The following EXOSC9 variants were observed in gnomAD, a reference collection of about 807,000 sequenced individuals.
EXOSC9 encodes the protein exosome complex component RRP45.
A neutral mutation model predicts 56.5 loss-of-function variants in EXOSC9; 38 were observed. The observed-to-expected ratio is 0.67, with a 90% CI of 0.52 to 0.88. The LOEUF (loss-of-function observed/expected upper bound fraction) is 0.88, where lower values mean the gene tolerates loss of function less well. Among genes scored for constraint, EXOSC9 ranks in the 40% least tolerant of loss-of-function variants. The pLI is 0.00. For missense variants in EXOSC9, 559 were observed against 530.5 expected (o/e 1.05, Z -0.53); for synonymous variants, 170 against 170.8 (o/e 0.99, Z 0.04).
At chr4:121,804,567 A>G (rs912809330) in intron 4 of EXOSC9, 55 bp from the exon 5 acceptor site, 2 of 1,167,486 alleles carry the variant, frequency 1.7e-6, no homozygotes, top group Admixed American at 4.1e-5. Context: ...TTCCTGATAA[A>G]TAGCCACTGG....
At chr4:121,811,465 A>C (rs1189290562) in intron 7 of EXOSC9, 118 bp from the exon 8 acceptor site, 3 of 544,572 alleles carry the variant, frequency 5.5e-6, no homozygotes, top group South Asian at 3.3e-5. Flanking sequence ...CATTGTATTC[A>C]TGTTTGGAAA....
Position 121,813,223 on chromosome 4 carries a change from C to T in EXOSC9, c.828-11C>T, listed in dbSNP as rs3811743. 33,153 of 1,600,554 alleles carry T rather than the reference C, an allele frequency of 0.021. 2,457 individuals are homozygous for T. The highest frequency in any genetic ancestry group is 0.19 in the African/African-American group (14,182 of 74,378). On this transcript the variant is annotated splice_polypyrimidine_tract_variant and intron_variant, in intron 8 of 11. Coordinates refer to ENST00000243498, the MANE Select transcript of EXOSC9 (RefSeq NM_005033.3). ...CCCCTTCCTTCCCACCAAAAAAACC[C>T]CCACATACAGGAAAGAAGGTGGAAA...
In EXOSC9 at chr4:121,801,342, G is replaced by A; in HGVS notation, c.-83G>A. On this transcript the variant is annotated 5_prime_UTR_variant, in exon 1 of 12. Coordinates refer to ENST00000243498, the MANE Select transcript of EXOSC9 (RefSeq NM_005033.3). Reference sequence around the variant, plus strand: ...GATGACGTAATTTTCCTGCGCCTCGGGGCGAGCAGCGGCGCGCAAGGAAAG... The same window carrying A: ...GATGACGTAATTTTCCTGCGCCTCGAGGCGAGCAGCGGCGCGCAAGGAAAG... The A allele has an allele frequency of 1.5e-6, 2 of 1,363,402 alleles. No individual in the cohort carries two copies. Among genetic ancestry groups the A allele is most frequent in the East Asian group, 2.3e-5 (1 of 43,712 alleles). 84.5% of individuals were successfully genotyped at this position (1,363,402 alleles called of 1,614,324 possible).
At chr4:121,815,294 A>G in intron 10 of EXOSC9, 1 of 907,784 alleles carries the variant, frequency 1.1e-6, no homozygotes, top group South Asian at 5.1e-5. Flanking sequence ...AGTTGTTTCC[A>G]TTTTCTCACT....
At chr4:121,815,970 G>T in intron 10 of EXOSC9, 3 of 1,243,000 alleles carry the variant, frequency 2.4e-6, no homozygotes, top group Non-Finnish European at 3.0e-6. Flanking sequence ...TCCACCTAGA[G>T]TTTTATTTTT....
intron 1 of EXOSC9, 30 bp from the exon 2 acceptor site, chr4:121,801,797 A>G (rs1726873899): frequency 1.1e-5 from 18 of 1,565,590 alleles, no homozygotes; most frequent in Non-Finnish European, 1.6e-5. Context: ...TGTTGAAGGA[A>G]TAAATTAATG....
intron 5 of EXOSC9, among the ~76,000 whole-genome samples, chr4:121,805,064 A>G (rs1726980197): frequency 1.3e-5 from 2 of 152,242 alleles, no homozygotes; most frequent in South Asian, 4.1e-4. Flanking sequence ...CATATGTGTG[A>G]AAAATACATG....
At position 121,803,338 on chromosome 4, in the gene EXOSC9, A is replaced by G. The variant is rs149204338; in HGVS notation, c.384+321A>G. ...TTCAAAGAACTTGTGGCTTTTTCAT[A>G]TAATCTCTCATTTTCTACATGAGTT... On this transcript the variant is annotated intron_variant, in intron 4 of 11. Transcript: ENST00000243498. 5.3e-3 allele frequency among the ~76,000 whole-genome samples: 804 copies of G among 152,144 alleles called. 4 individuals are homozygous for G. The highest frequency in any genetic ancestry group is 8.2e-3 in the Non-Finnish European group (559 of 67,992).
intron 10 of EXOSC9, chr4:121,815,637 A>G (rs1266473831): frequency 1.0e-6 from 1 of 985,340 alleles, no homozygotes; most frequent in Admixed American, 6.2e-5. Flanking sequence ...AATAAAATCC[A>G]AAGAAAAATG....
At position 121,811,583 on chromosome 4, in the gene EXOSC9, G is replaced by C; in HGVS notation, c.739G>C (p.Val247Leu). The C allele has an allele frequency of 6.4e-7, 1 of 1,559,168 alleles. No homozygotes were observed. The highest frequency in any genetic ancestry group is 1.4e-5 in the African/African-American group (1 of 73,518). Reference sequence around the variant, plus strand: ...CAACAGAATTCACTTTTATAAATAGGTTCTGAGATGCAGTAAAATCGCTGG... The same window carrying C: ...CAACAGAATTCACTTTTATAAATAGCTTCTGAGATGCAGTAAAATCGCTGG... Reference protein sequence around the residue: ...SGGIMLLKDQVLRCSKIAGVK... With the variant: ...SGGIMLLKDQLLRCSKIAGVK... The change falls in exon 8 of 12, where the codon GTT becomes CTT. Residue 247 changes from valine to leucine, a missense_variant and splice_region_variant. Val to Leu is a conservative substitution (Grantham distance 32). Coordinates refer to ENST00000243498, the MANE Select transcript of EXOSC9 (RefSeq NM_005033.3).
At chr4:121,811,558 C>T (rs1727212930) in intron 7 of EXOSC9, 25 bp from the exon 8 acceptor site, 3 of 1,392,700 alleles carry the variant, frequency 2.2e-6, no homozygotes, top group Non-Finnish European at 3.0e-6. Context: ...TGTCTTTAAA[C>T]AACAGAATTC....
chr4:121,802,927 C>CT lies in EXOSC9; in HGVS notation c.296dup (p.Leu99PhefsTer21). 1 of 1,613,834 alleles carries CT rather than the reference C, an allele frequency of 6.2e-7. No individual in the cohort carries two copies. The highest frequency in any genetic ancestry group is 8.5e-7 in the Non-Finnish European group (1 of 1,179,788). ...TTTCTCCTTATAGGCAGTCAGATCT[C>CT]TTGGTGAAGTTGAATCGACTCATGG... On this transcript the variant is annotated frameshift_variant, in exon 4 of 12. Coordinates refer to ENST00000243498, the MANE Select transcript of EXOSC9 (RefSeq NM_005033.3). LOFTEE classifies it high-confidence loss of function.
intron 9 of EXOSC9, 91 bp downstream of exon 9, chr4:121,813,471 T>G: frequency 8.7e-7 from 1 of 1,152,358 alleles, no homozygotes; most frequent in South Asian, 1.5e-5. Flanking sequence ...ATACTGAAAT[T>G]AGTTTTTGTA....
intron 7 of EXOSC9, among the ~76,000 whole-genome samples, chr4:121,810,306 G>A (rs937155577): frequency 3.1e-4 from 47 of 151,978 alleles, no homozygotes; most frequent in African/African-American, 1.1e-3. Context: ...TGGTGCTCCC[G>A]TGTCTGGCCT....
At chr4:121,807,819 TGAAGA>T in intron 6 of EXOSC9, 197 bp downstream of exon 6, 1 of 591,636 alleles carries the variant, frequency 1.7e-6, no homozygotes, top group Non-Finnish European at 3.0e-6. Context: ...TATACTTTGA[TGAAGA>T]TACTTCCCAA....
rs752875392 is a variant in EXOSC9 at position 121,813,248 on chromosome 4, A to C, written c.842A>C (p.Lys281Thr). 2 of 1,608,740 alleles carry C rather than the reference A, an allele frequency of 1.2e-6. No individual in the cohort carries two copies. Among genetic ancestry groups the C allele is most frequent in the East Asian group, 4.5e-5 (2 of 44,786 alleles). ...CCCACATACAGGAAAGAAGGTGGAAAGTTTGGTTTTGCAGAGTCTATAGCA... is the reference window on the plus strand; with the variant it reads ...CCCACATACAGGAAAGAAGGTGGAACGTTTGGTTTTGCAGAGTCTATAGCA... Reference protein sequence around the residue: ...NDQKVRKEGGKFGFAESIANQ... With the variant: ...NDQKVRKEGGTFGFAESIANQ... Residue 281 changes from lysine (K) to threonine (T), a missense_variant, in exon 9 of 12, where the codon AAG becomes ACG. By Grantham distance (78) the Lys-to-Thr change is moderately conservative. Transcript: ENST00000243498.
intron 11 of EXOSC9, 86 bp from the exon 12 acceptor site, chr4:121,816,686 T>C (rs1167140995): frequency 7.4e-7 from 1 of 1,350,118 alleles, no homozygotes; most frequent in Admixed American, 3.1e-5. Flanking sequence ...TTTTAGATCC[T>C]ACTGGAAAAC....
At chr4:121,805,960 C>G (rs933627327) in intron 5 of EXOSC9, among the ~76,000 whole-genome samples, 1 of 151,678 alleles carries the variant, frequency 6.6e-6, no homozygotes, top group African/African-American at 2.4e-5. Flanking sequence ...TATGTGCCAC[C>G]CACTTGACTA....
chr4:121,807,629 C>G lies in EXOSC9; in HGVS notation c.605+7C>G. Reference sequence around the variant, plus strand: ...TTGCCTTTTTCCAGCAAGGGTAAGCCTCGCCTTATTATGGGCCAAAATTAC... The same window carrying G: ...TTGCCTTTTTCCAGCAAGGGTAAGCGTCGCCTTATTATGGGCCAAAATTAC... On this transcript the variant is annotated splice_region_variant and intron_variant, in intron 6 of 11. Coordinates refer to ENST00000243498, the MANE Select transcript of EXOSC9 (RefSeq NM_005033.3). 9.4e-6 allele frequency: 15 copies of G among 1,593,930 alleles called. No individual in the cohort carries two copies. The highest frequency in any genetic ancestry group is 1.3e-5 in the Non-Finnish European group (15 of 1,161,728).
Sources: gnomAD v4.1 joint callset for allele counts (sites outside exome capture counted in the v4.1 genomes callset) on GRCh38, gnomAD v4.1.1 for gene constraint, MANE v1.5 for transcripts, NCBI Gene and HGNC (gene_info 2026-07-23, HGNC 2026-07-21) for gene names.